Variants in MLLT3 observed in about 807,000 individuals in gnomAD.
The protein encoded by MLLT3 is protein AF-9.
Under a neutral mutation model 53.2 loss-of-function variants are expected in MLLT3, and 4 were observed. The ratio of observed to expected loss-of-function variants is 0.08; its 90% CI spans 0.04 to 0.17. MLLT3 has a LOEUF of 0.17. MLLT3 is among the 10% of genes least tolerant of loss of function. The pLI, the probability that MLLT3 is intolerant of heterozygous loss-of-function variation, is 1.00. For synonymous variants in MLLT3, 283 were observed against 230.6 expected (o/e 1.23, Z -2.06); for missense variants, 569 against 684.0 (o/e 0.83, Z 1.87).
intron 4 of MLLT3, among the ~76,000 whole-genome samples, chr9:20,415,716 G>A (rs1822853929): frequency 6.6e-6 from 1 of 151,770 alleles, no homozygotes. Flanking sequence ...AAGCAAGCAG[G>A]GGCTATGCTT....
chr9:20,459,238 A>G (rs1446671881), intron 2 of MLLT3, among the ~76,000 whole-genome samples: 1 of 152,230 alleles, frequency 6.6e-6, no homozygotes, highest in East Asian at 1.9e-4. Flanking sequence ...CCCCAAACTG[A>G]CATCCGAAGA....
chr9:20,548,822 G>T (rs911717510), intron 2 of MLLT3, among the ~76,000 whole-genome samples: 7 of 142,312 alleles, frequency 4.9e-5, no homozygotes, highest in East Asian at 2.0e-4. Context: ...TTTGCTCAAA[G>T]ATTTTTTTTT....
At chr9:20,452,944 G>A (rs550339687) in intron 3 of MLLT3, among the ~76,000 whole-genome samples, 2 of 152,090 alleles carry the variant, frequency 1.3e-5, no homozygotes, top group Non-Finnish European at 2.9e-5. Context: ...GCTGTGCATT[G>A]CAACTATAGT....
intron 2 of MLLT3, among the ~76,000 whole-genome samples, chr9:20,600,989 G>T (rs1422347376): frequency 6.6e-6 from 1 of 152,076 alleles, no homozygotes; most frequent in African/African-American, 2.4e-5. Flanking sequence ...CATTTCTAGG[G>T]TTTCTTTAAA....
intron 5 of MLLT3, among the ~76,000 whole-genome samples, chr9:20,398,786 G>T (rs746383150): frequency 6.6e-6 from 1 of 151,968 alleles, no homozygotes. Context: ...CAAATGTCTC[G>T]GAATTTTAGA....
intron 6 of MLLT3, among the ~76,000 whole-genome samples, chr9:20,364,202 T>C (rs778786282): frequency 3.3e-5 from 5 of 152,260 alleles, no homozygotes; most frequent in Non-Finnish European, 5.9e-5. Flanking sequence ...ATTTTCATTT[T>C]ACTTTTTAAG....
chr9:20,465,774 T>G (rs1274574152), intron 2 of MLLT3, among the ~76,000 whole-genome samples: 1 of 152,154 alleles, frequency 6.6e-6, no homozygotes, highest in Non-Finnish European at 1.5e-5. Context: ...TGCATGGCAT[T>G]TGGCATAGTG....
Position 20,417,469 on chromosome 9 carries a change from G to A in MLLT3, c.421-3044C>T, listed in dbSNP as rs115558630. On this transcript the variant is annotated intron_variant, in intron 4 of 10. Coordinates refer to ENST00000380338, the MANE Select transcript of MLLT3 (RefSeq NM_004529.4). ...TTTTCAATTAACCATTAACCTCAAC[G>A]TTAAGTACCACTGAGCAGCACAGAC... 8.7e-3 allele frequency among the ~76,000 whole-genome samples: 1,309 copies of A among 150,834 alleles called. 20 individuals are homozygous for A. Among genetic ancestry groups the A allele is most frequent in the African/African-American group, 0.023 (947 of 41,208 alleles).
chr9:20,393,495 TATC>T (rs779152758), intron 5 of MLLT3, among the ~76,000 whole-genome samples: 26 of 152,236 alleles, frequency 1.7e-4, no homozygotes, highest in Admixed American at 3.9e-4. Flanking sequence ...TGTAGCACTA[TATC>T]ATCTACAGTA....
intron 4 of MLLT3, among the ~76,000 whole-genome samples, chr9:20,444,493 T>A (rs982740426): frequency 7.9e-5 from 12 of 152,118 alleles, no homozygotes; most frequent in African/African-American, 2.9e-4. Flanking sequence ...AAAATTTATA[T>A]AATAAATATG....
At chr9:20,477,724 C>T (rs932886947) in intron 2 of MLLT3, among the ~76,000 whole-genome samples, 1 of 152,134 alleles carries the variant, frequency 6.6e-6, no homozygotes, top group Non-Finnish European at 1.5e-5. Context: ...TTCTCCTATA[C>T]TCCAGGGAGA....
chr9:20,425,871 T>A (rs1372856581), intron 4 of MLLT3, among the ~76,000 whole-genome samples: 1 of 152,032 alleles, frequency 6.6e-6, no homozygotes, highest in Non-Finnish European at 1.5e-5. Context: ...GTAAACCCAA[T>A]AAATATTTTT....
At chr9:20,509,418 A>G (rs118149824) in intron 2 of MLLT3, among the ~76,000 whole-genome samples, 92 of 152,324 alleles carry the variant, frequency 6.0e-4, no homozygotes, top group Non-Finnish European at 1.0e-3. Flanking sequence ...TCTAGATAAA[A>G]ATGGTTCTCA....
chr9:20,578,910 GTTAAAA>G (rs1291592701), intron 2 of MLLT3, among the ~76,000 whole-genome samples: 1 of 152,008 alleles, frequency 6.6e-6, no homozygotes, highest in Non-Finnish European at 1.5e-5. Context: ...AAATTATATT[GTTAAAA>G]TTAAGTTTAC....
intron 2 of MLLT3, among the ~76,000 whole-genome samples, chr9:20,495,634 A>G (rs1338871181): frequency 6.6e-6 from 1 of 152,174 alleles, no homozygotes; most frequent in East Asian, 1.9e-4. Flanking sequence ...TTTTAATAAC[A>G]TACTGAAAAT....
Position 20,601,839 on chromosome 9 carries a change from A to C in MLLT3, c.193+18815T>G, listed in dbSNP as rs922196907. Among the ~76,000 whole-genome samples the C allele has an allele frequency of 3.3e-5, 5 of 152,246 alleles. No homozygotes were observed. The East Asian group carries it at 9.6e-4, about 29-fold the overall frequency. On this transcript the variant is annotated intron_variant, in intron 2 of 10. Transcript: ENST00000380338. ...TGGGTATAAATAGCACCAAATTGTCAAATCACAGCTATTTTGTGTGCTACC... is the reference window on the plus strand; with the variant it reads ...TGGGTATAAATAGCACCAAATTGTCCAATCACAGCTATTTTGTGTGCTACC...
At chr9:20,590,012 C>G (rs955632006) in intron 2 of MLLT3, among the ~76,000 whole-genome samples, 1 of 152,164 alleles carries the variant, frequency 6.6e-6, no homozygotes, top group Non-Finnish European at 1.5e-5. Flanking sequence ...GATTTGTAAG[C>G]AGCCCTCTGT....
intron 2 of MLLT3, among the ~76,000 whole-genome samples, chr9:20,558,692 C>T (rs1453632040): frequency 6.6e-6 from 1 of 152,170 alleles, no homozygotes; most frequent in African/African-American, 2.4e-5. Flanking sequence ...TTTAAACAAA[C>T]CCCCAGGGAA....
chr9:20,384,485 G>A (rs909394260), intron 5 of MLLT3, among the ~76,000 whole-genome samples: 2 of 152,048 alleles, frequency 1.3e-5, no homozygotes, highest in African/African-American at 2.4e-5. Flanking sequence ...CAAGTTTAAT[G>A]TACTCATTTC....
Sources: allele counts gnomAD v4.1 joint callset (sites outside exome capture counted in the v4.1 genomes callset), GRCh38; gene constraint gnomAD v4.1.1; transcripts MANE v1.5; gene names NCBI Gene and HGNC (gene_info 2026-07-23, HGNC 2026-07-21).